KDM4B: variants seen among roughly 807,000 people sequenced by gnomAD.
The protein encoded by KDM4B is lysine demethylase 4B.
KDM4B carries 32 observed loss-of-function variants against 125.2 expected under a neutral mutation model. That is an observed-to-expected ratio of 0.26 (90% confidence interval 0.19 to 0.34). The LOEUF (loss-of-function observed/expected upper bound fraction) is 0.34, where lower values mean the gene tolerates loss of function less well. KDM4B is among the 10% of genes least tolerant of loss of function. KDM4B has a pLI of 1.00. For missense variants in KDM4B, 1,190 were observed against 1,577.7 expected, an observed-to-expected ratio of 0.75 and a Z score of 4.16; for synonymous variants, 721 against 677.9, an observed-to-expected ratio of 1.06 and a Z score of -0.99.
chr19:5,117,077 CTG>C (rs1482653818), intron 10 of KDM4B, among the ~76,000 whole-genome samples: 1 of 152,142 alleles, frequency 6.6e-6, no homozygotes, highest in Non-Finnish European at 1.5e-5. Flanking sequence ...CTTGCTGTGT[CTG>C]TGCATTGAGC....
At chr19:5,018,809 G>A (rs1461314033) in intron 2 of KDM4B, among the ~76,000 whole-genome samples, 3 of 152,216 alleles carry the variant, frequency 2.0e-5, no homozygotes, top group South Asian at 2.1e-4. Flanking sequence ...ATGGGATCGC[G>A]CACTGTGTGG....
intron 1 of KDM4B, among the ~76,000 whole-genome samples, chr19:4,980,912 C>T (rs1000675922): frequency 2.5e-5 from 3 of 120,966 alleles, no homozygotes; most frequent in African/African-American, 9.9e-5. Context: ...GAGATGGCCC[C>T]GGGGCAGACA....
At position 5,028,327 on chromosome 19, in the gene KDM4B, G is replaced by C. The variant is rs115472405; in HGVS notation, c.-25-4539G>C. 8.5e-3 allele frequency among the ~76,000 whole-genome samples: 1,301 copies of C among 152,236 alleles called. 20 individuals carry two copies. The highest frequency in any genetic ancestry group is 0.029 in the African/African-American group (1,221 of 41,530). ...CCTACAGAGAAGCCCTGTAGCCTGG[G>C]GTGTAACACACGGCCTTTTGTGTCT... is the stretch of plus-strand genomic sequence containing the variant. On this transcript the variant is annotated intron_variant, in intron 2 of 22. Transcript: ENST00000159111.
intron 1 of KDM4B, among the ~76,000 whole-genome samples, chr19:5,006,539 G>A (rs1396014670): frequency 1.3e-5 from 2 of 152,174 alleles, no homozygotes; most frequent in East Asian, 3.9e-4. Flanking sequence ...CTGGGAGGCC[G>A]AGGCAGGTGG....
In KDM4B at chr19:5,111,940, TCTGTTTTGAGC is replaced by T. The variant is rs2039156390; in HGVS notation, c.1115+1124_1115+1134del. The T allele has an allele frequency of 4.4e-6, 3 of 684,726 alleles. No homozygotes were observed. The Admixed American group carries it at 6.2e-5, about 14-fold the overall frequency. The allele number at this position is 684,726 out of a possible 1,614,324, so 42.4% of individuals were successfully genotyped here. Reference sequence around the variant, plus strand: ...ACATGCTACCAAATACGATAATTTTTCTGTTTTGAGCCACTTAAAAATGTGAACATTGGCCA... The same window carrying T: ...ACATGCTACCAAATACGATAATTTTTCACTTAAAAATGTGAACATTGGCCA... On this transcript the variant is annotated intron_variant, in intron 10 of 22. Coordinates refer to ENST00000159111, the MANE Select transcript of KDM4B (RefSeq NM_015015.3).
intron 9 of KDM4B, among the ~76,000 whole-genome samples, chr19:5,091,802 C>T (rs2038711889): frequency 6.6e-6 from 1 of 152,156 alleles, no homozygotes; most frequent in Non-Finnish European, 1.5e-5. Flanking sequence ...AAACTCCAGC[C>T]ACTCCTCTGA....
intron 2 of KDM4B, among the ~76,000 whole-genome samples, chr19:5,030,306 C>A (rs945369823): frequency 6.6e-6 from 1 of 152,200 alleles, no homozygotes; most frequent in Non-Finnish European, 1.5e-5. Context: ...TTTGAGGCAT[C>A]CCTTGGGCCG....
chr19:5,004,094 C>T (rs1367274889), intron 1 of KDM4B, among the ~76,000 whole-genome samples: 1 of 152,180 alleles, frequency 6.6e-6, no homozygotes, highest in Non-Finnish European at 1.5e-5. Flanking sequence ...TAATACGTGG[C>T]AGTAAAGCTG....
Position 5,131,554 on chromosome 19 carries a change from G to A in KDM4B, c.1785+9G>A. On this transcript the variant is annotated intron_variant, in intron 12 of 22. Transcript: ENST00000159111. Reference sequence around the variant, plus strand: ...GGGCCGGAGAGGGGCAGGTGGGGTGGAGCGGGGGAGGCAGGGAGGAGGGGG... The same window carrying A: ...GGGCCGGAGAGGGGCAGGTGGGGTGAAGCGGGGGAGGCAGGGAGGAGGGGG... The A allele has an allele frequency of 8.4e-7, 1 of 1,183,598 alleles. No homozygotes were observed. The highest frequency in any genetic ancestry group is 1.1e-6 in the Non-Finnish European group (1 of 908,022). 73.3% of individuals were successfully genotyped at this position (1,183,598 alleles called of 1,614,324 possible).
At chr19:5,072,582 T>C (rs1379781269) in intron 7 of KDM4B, among the ~76,000 whole-genome samples, 1 of 152,192 alleles carries the variant, frequency 6.6e-6, no homozygotes, top group East Asian at 1.9e-4. Context: ...AAAAGCTAGA[T>C]TAAAGCATTT....
chr19:5,110,837 G>A lies in KDM4B; in HGVS notation c.1115+19G>A. ...TCCGCAGGTGAGTTGCCAAGGGACT[G>A]CCGCGTGACTGCCCAGCATCACGGG... On this transcript the variant is annotated intron_variant, in intron 10 of 22. Coordinates refer to ENST00000159111, the MANE Select transcript of KDM4B (RefSeq NM_015015.3). 1 of 1,536,854 alleles carries A rather than the reference G, an allele frequency of 6.5e-7. No individual in the cohort carries two copies. The highest frequency in any genetic ancestry group is 8.8e-7 in the Non-Finnish European group (1 of 1,141,438).
At chr19:5,016,066 T>C (rs1015771410) in intron 1 of KDM4B, among the ~76,000 whole-genome samples, 191 bp from the exon 2 acceptor site, 6 of 152,236 alleles carry the variant, frequency 3.9e-5, no homozygotes, top group African/African-American at 7.2e-5. Flanking sequence ...TGGGCCCTCA[T>C]TGGAAAACTT....
intron 15 of KDM4B, among the ~76,000 whole-genome samples, chr19:5,136,352 G>A (rs554562138): frequency 1.3e-5 from 2 of 152,224 alleles, no homozygotes; most frequent in Admixed American, 1.3e-4. Flanking sequence ...CACGCACGGG[G>A]GGGCGGTGGC....
At chr19:4,993,381 C>T (rs1474633387) in intron 1 of KDM4B, among the ~76,000 whole-genome samples, 1 of 151,400 alleles carries the variant, frequency 6.6e-6, no homozygotes, top group African/African-American at 2.4e-5. Context: ...TACCCTCCAG[C>T]CTGGGCGACA....
chr19:5,046,818 G>GT (rs1467377159), intron 5 of KDM4B, among the ~76,000 whole-genome samples: 1 of 152,178 alleles, frequency 6.6e-6, no homozygotes, highest in Non-Finnish European at 1.5e-5. Flanking sequence ...TTCTCCTTCC[G>GT]TGTCATTGAC....
intron 21 of KDM4B, among the ~76,000 whole-genome samples, chr19:5,149,038 C>T (rs889494557): frequency 2.0e-5 from 3 of 152,236 alleles, no homozygotes; most frequent in South Asian, 4.1e-4. Flanking sequence ...CCGCCTGCGC[C>T]GGCCAAGAGG....
intron 1 of KDM4B, among the ~76,000 whole-genome samples, chr19:4,975,316 G>C (rs568409035): frequency 6.6e-6 from 1 of 152,118 alleles, no homozygotes; most frequent in Non-Finnish European, 1.5e-5. Context: ...CGTGAATTCC[G>C]TGCAATTTTT....
intron 6 of KDM4B, among the ~76,000 whole-genome samples, chr19:5,051,163 C>T (rs72990183): frequency 0.058 from 8,839 of 152,294 alleles, 352 homozygotes; most frequent in Non-Finnish European, 0.083. Flanking sequence ...GAGTTCCAGG[C>T]CGGGGTGGGA....
chr19:5,121,827 G>A (rs919371403), intron 11 of KDM4B, among the ~76,000 whole-genome samples: 3 of 152,198 alleles, frequency 2.0e-5, no homozygotes, highest in African/African-American at 2.4e-5. Context: ...AAATGCAGGC[G>A]GATGAAAGCC....
Sources: gnomAD v4.1 joint callset for allele counts (sites outside exome capture counted in the v4.1 genomes callset) on GRCh38, gnomAD v4.1.1 for gene constraint, MANE v1.5 for transcripts, NCBI Gene and HGNC (gene_info 2026-07-23, HGNC 2026-07-21) for gene names.